Variants in NCS1 observed in about 807,000 individuals in gnomAD.
NCS1 encodes the protein frequenin homolog.
A neutral mutation model predicts 28.4 loss-of-function variants in NCS1; 6 were observed. The observed-to-expected ratio is 0.21, with a 90% CI of 0.12 to 0.42. The LOEUF is 0.42. NCS1 is among the 10% of genes least tolerant of loss of function. The probability of loss-of-function intolerance (pLI) is 1.00; values close to 1 mark genes in which losing one functional copy is unlikely to be tolerated. For synonymous variants in NCS1, 86 were observed against 99.3 expected (o/e 0.87, Z 0.79); for missense variants, 131 against 241.4 (o/e 0.54, Z 3.03).
chr9:130,200,840 C>T, intron 1 of NCS1, 118 bp from the exon 2 acceptor site: 2 of 1,496,234 alleles, frequency 1.3e-6, no homozygotes, highest in South Asian at 2.3e-5. Context: ...AGGCCGTTGC[C>T]CGGGGACATG....
In NCS1 at chr9:130,186,091, T is replaced by C. The variant is rs1832734987; in HGVS notation, c.64+13364T>C. ...GAGGCCCTGGGTCCTGTGGGGGGCA[T>C]GTGTGGCCAAACGGGTTCCTGGGCC... On this transcript the variant is annotated intron_variant, in intron 1 of 7. Coordinates refer to ENST00000372398, the MANE Select transcript of NCS1 (RefSeq NM_014286.4). This position sits in a 1 kb window ranked among gnomAD's most constrained non-coding sequence, Gnocchi z 4.1. Among the ~76,000 whole-genome samples the C allele has an allele frequency of 6.6e-6, 1 of 152,076 alleles. No homozygotes were observed. The highest frequency in any genetic ancestry group is 2.4e-5 in the African/African-American group (1 of 41,418).
rs989769548 is a variant in NCS1 at position 130,192,828 on chromosome 9, A to C, written c.65-8130A>C. Among the ~76,000 whole-genome samples, 9 of 152,140 alleles carry C rather than the reference A, an allele frequency of 5.9e-5. No individual in the cohort carries two copies. The highest frequency in any genetic ancestry group is 1.2e-4 in the Non-Finnish European group (8 of 68,018). ...TGGCTGCTTCCCAGCCCTCGAGTGT[A>C]GCAGGACCCCAGTGGGAACCCCACA... On this transcript the variant is annotated intron_variant, in intron 1 of 7. Coordinates refer to ENST00000372398, the MANE Select transcript of NCS1 (RefSeq NM_014286.4). This position sits in a 1 kb window ranked among gnomAD's most constrained non-coding sequence, Gnocchi z 4.8.
rs1832649731 is a variant in NCS1, at chr9:130,181,252, A to T, written c.64+8525A>T. Among the ~76,000 whole-genome samples, 1 of 151,930 alleles carries T rather than the reference A, an allele frequency of 6.6e-6. No homozygotes were observed. Among genetic ancestry groups the T allele is most frequent in the Non-Finnish European group, 1.5e-5 (1 of 68,002 alleles). The stretch of plus-strand genomic sequence containing the variant: ...AGCCTCTCGATACCTTAGTTTTCTT[A>T]TCTGGGGGTTGGGGATAAGGGACTT... On this transcript the variant is annotated intron_variant, in intron 1 of 7. Coordinates refer to ENST00000372398, the MANE Select transcript of NCS1 (RefSeq NM_014286.4). The surrounding 1 kb of genome is among the most constrained non-coding windows in gnomAD (Gnocchi z 5.0).
chr9:130,180,834 T>C lies in NCS1; in HGVS notation c.64+8107T>C, dbSNP rs73545505. Among the ~76,000 whole-genome samples the C allele has an allele frequency of 1.4e-3, 212 of 152,284 alleles. 2 individuals are homozygous for C. Among genetic ancestry groups the C allele is most frequent in the African/African-American group, 4.9e-3 (204 of 41,558 alleles). On this transcript the variant is annotated intron_variant, in intron 1 of 7. Transcript: ENST00000372398. The surrounding 1 kb of genome is among the most constrained non-coding windows in gnomAD (Gnocchi z 4.5). The stretch of plus-strand genomic sequence containing the variant: ...GAGTGAGCTGTCACAGGCTCTTGGC[T>C]GAATTGGGAGCGAGTGGCAAACATG...
At chr9:130,221,973 A>ATC (rs782583979) in intron 4 of NCS1, among the ~76,000 whole-genome samples, 1 of 86,840 alleles carries the variant, frequency 1.2e-5, no homozygotes, top group East Asian at 2.4e-4. Context: ...TAAATTATGT[A>ATC]TATAAATATA....
chr9:130,192,667 C>T lies in NCS1; in HGVS notation c.65-8291C>T, dbSNP rs1216355354. Among the ~76,000 whole-genome samples the T allele has an allele frequency of 2.6e-5, 4 of 152,190 alleles. No individual in the cohort carries two copies. Among genetic ancestry groups the T allele is most frequent in the Non-Finnish European group, 5.9e-5 (4 of 67,988 alleles). On this transcript the variant is annotated intron_variant, in intron 1 of 7. Transcript: ENST00000372398. The surrounding 1 kb of genome is among the most constrained non-coding windows in gnomAD (Gnocchi z 4.8). Reference sequence around the variant, plus strand: ...ACCCAGGAACACCAGCATATATCCCCGGGGCCTTCTGAAATCACCTGATGC... The same window carrying T: ...ACCCAGGAACACCAGCATATATCCCTGGGGCCTTCTGAAATCACCTGATGC...
chr9:130,223,322 G>A (rs544065006), intron 6 of NCS1, among the ~76,000 whole-genome samples, 163 bp downstream of exon 6: 6 of 152,202 alleles, frequency 3.9e-5, no homozygotes, highest in African/African-American at 1.4e-4. Flanking sequence ...GCCCCATCCA[G>A]TGTCCAGAGT....
At chr9:130,196,786 C>A (rs782265315) in intron 1 of NCS1, among the ~76,000 whole-genome samples, 2 of 152,102 alleles carry the variant, frequency 1.3e-5, no homozygotes, top group African/African-American at 2.4e-5. Context: ...GTGCTGTTAC[C>A]ACCCCCACCT....
chr9:130,187,447 C>G (rs1832752867), intron 1 of NCS1, among the ~76,000 whole-genome samples: 2 of 152,144 alleles, frequency 1.3e-5, no homozygotes, highest in African/African-American at 4.8e-5. Context: ...TGCTGCTGGC[C>G]AGGGCTGCCT....
At chr9:130,185,642 T>C (rs1339892156) in intron 1 of NCS1, among the ~76,000 whole-genome samples, 1 of 152,232 alleles carries the variant, frequency 6.6e-6, no homozygotes, top group Non-Finnish European at 1.5e-5. Context: ...GAAAGATTCC[T>C]GTTCAGAGGC....
intron 2 of NCS1, among the ~76,000 whole-genome samples, chr9:130,212,444 C>G (rs782299552): frequency 1.3e-5 from 2 of 150,152 alleles, no homozygotes; most frequent in African/African-American, 4.9e-5. Flanking sequence ...CAGGCCTGCA[C>G]GACAGCGACC....
intron 2 of NCS1, among the ~76,000 whole-genome samples, chr9:130,210,643 G>T (rs1209460456): frequency 6.6e-6 from 1 of 151,886 alleles, no homozygotes; most frequent in African/African-American, 2.4e-5. Flanking sequence ...CCCACTCAGG[G>T]GTCTGAAAGG....
chr9:130,207,463 C>T (rs546742691), intron 2 of NCS1, among the ~76,000 whole-genome samples: 15 of 152,332 alleles, frequency 9.8e-5, no homozygotes, highest in Admixed American at 3.3e-4. Flanking sequence ...CCTCCAGTCT[C>T]GGCATGGCTT....
intron 5 of NCS1, 63 bp downstream of exon 5, chr9:130,222,801 CAGAG>C (rs1385777123): frequency 2.7e-5 from 41 of 1,515,288 alleles, no homozygotes; most frequent in Non-Finnish European, 3.4e-5. Flanking sequence ...GACTGAGAGA[CAGAG>C]AGAGAGCACT....
chr9:130,212,750 T>C (rs760121111), intron 2 of NCS1, among the ~76,000 whole-genome samples: 1 of 151,736 alleles, frequency 6.6e-6, no homozygotes, highest in Non-Finnish European at 1.5e-5. Context: ...TCAGGCATCC[T>C]GGGGACAAAA....
At position 130,177,045 on chromosome 9, in the gene NCS1, G is replaced by T. The variant is rs1477357918; in HGVS notation, c.64+4318G>T. Among the ~76,000 whole-genome samples, 5 of 152,222 alleles carry T rather than the reference G, an allele frequency of 3.3e-5. No homozygotes were observed. The highest frequency in any genetic ancestry group is 1.2e-4 in the African/African-American group (5 of 41,456). On this transcript the variant is annotated intron_variant, in intron 1 of 7. Coordinates refer to ENST00000372398, the MANE Select transcript of NCS1 (RefSeq NM_014286.4). The surrounding 1 kb of genome is among the most constrained non-coding windows in gnomAD (Gnocchi z 4.4). ...ACCTCCTCCCTGTTGCCTTTGGTCA[G>T]CCCAGGCTCTGCCTTGACCTTGCCT...
rs2131127638 is a variant in NCS1, at chr9:130,192,076, G to T, written c.65-8882G>T. Among the ~76,000 whole-genome samples, 1 of 152,306 alleles carries T rather than the reference G, an allele frequency of 6.6e-6. No individual in the cohort carries two copies. The highest frequency in any genetic ancestry group is 2.4e-5 in the African/African-American group (1 of 41,560). On this transcript the variant is annotated intron_variant, in intron 1 of 7. Transcript: ENST00000372398. The surrounding 1 kb of genome is among the most constrained non-coding windows in gnomAD (Gnocchi z 4.8). ...GGGCAGCAGGCCAGGCCTCCTTTCT[G>T]GGGCAGCTCAGGCCTGGTGCTGGGG...
intron 1 of NCS1, 81 bp from the exon 2 acceptor site, chr9:130,200,877 G>A (rs1832937018): frequency 1.3e-6 from 2 of 1,566,642 alleles, no homozygotes; most frequent in Admixed American, 1.7e-5. Flanking sequence ...GGCTGGAGGG[G>A]AGGCCCCCCA....
rs1469792178 is a variant in NCS1, at chr9:130,215,611, T to A, written c.90-2221T>A. ...ATTGCTGTGGATGAATCTCCTGATC[T>A]CTCTGTGCCTCAGTGCCTCATCTGT... On this transcript the variant is annotated intron_variant, in intron 2 of 7. Coordinates refer to ENST00000372398, the MANE Select transcript of NCS1 (RefSeq NM_014286.4). The surrounding 1 kb of genome is among the most constrained non-coding windows in gnomAD (Gnocchi z 4.2). 6.6e-6 allele frequency among the ~76,000 whole-genome samples: 1 copy of A among 152,112 alleles called. No individual in the cohort carries two copies. The highest frequency in any genetic ancestry group is 1.5e-5 in the Non-Finnish European group (1 of 68,008).
Sources: gnomAD v4.1 joint callset for allele counts (sites outside exome capture counted in the v4.1 genomes callset) on GRCh38, gnomAD v4.1.1 for gene constraint, Gnocchi (gnomAD v3.1) non-coding constraint, MANE v1.5 for transcripts, NCBI Gene and HGNC (gene_info 2026-07-23, HGNC 2026-07-21) for gene names.